The following BICC1 variants were observed in gnomAD, a reference collection of about 807,000 sequenced individuals.
BICC1 encodes the protein protein bicaudal C homolog 1.
A neutral mutation model predicts 111.0 loss-of-function variants in BICC1; 43 were observed. The observed-to-expected ratio is 0.39, with a 90% CI of 0.30 to 0.50. The LOEUF (loss-of-function observed/expected upper bound fraction) is 0.50, where lower values mean the gene tolerates loss of function less well. BICC1 is among the 20% of genes least tolerant of loss of function. BICC1 has a pLI of 0.88. For missense variants in BICC1, 1,091 were observed against 1,203.2 expected (o/e 0.91, Z 1.38); for synonymous variants, 467 against 434.4 (o/e 1.07, Z -0.93).
intron 2 of BICC1, among the ~76,000 whole-genome samples, chr10:58,697,589 C>T (rs560499618): frequency 9.2e-5 from 14 of 152,286 alleles, no homozygotes; most frequent in African/African-American, 3.4e-4. Context: ...CCTAGCCTTA[C>T]CTTTTCCAGT....
chr10:58,517,279 A>G (rs1315079508), intron 1 of BICC1, among the ~76,000 whole-genome samples: 1 of 152,104 alleles, frequency 6.6e-6, no homozygotes, highest in Non-Finnish European at 1.5e-5. Flanking sequence ...TTTAAGAACC[A>G]TGTTGCATTT....
At chr10:58,653,799 T>G (rs1838531002) in intron 2 of BICC1, among the ~76,000 whole-genome samples, 1 of 147,994 alleles carries the variant, frequency 6.8e-6, no homozygotes, top group Non-Finnish European at 1.5e-5. Context: ...TCATCTAGCA[T>G]TAGGTATATC....
chr10:58,546,985 C>A (rs1400322672), intron 1 of BICC1, among the ~76,000 whole-genome samples: 1 of 152,092 alleles, frequency 6.6e-6, no homozygotes, highest in Non-Finnish European at 1.5e-5. Context: ...AAGATTTTGT[C>A]ATTCATTCCA....
intron 2 of BICC1, among the ~76,000 whole-genome samples, chr10:58,675,230 A>C (rs1319506498): frequency 6.6e-6 from 1 of 152,202 alleles, no homozygotes; most frequent in African/African-American, 2.4e-5. Flanking sequence ...TGGAAATCAA[A>C]AGGAAGACCT....
At chr10:58,529,161 A>G (rs747499917) in intron 1 of BICC1, among the ~76,000 whole-genome samples, 12 of 152,028 alleles carry the variant, frequency 7.9e-5, no homozygotes, top group Non-Finnish European at 8.8e-5. Flanking sequence ...TAGGTGAACA[A>G]CAGATTTTAT....
At chr10:58,619,765 A>G (rs7922363) in intron 1 of BICC1, among the ~76,000 whole-genome samples, 151,583 of 152,322 alleles carry the variant, frequency 1, 75,424 homozygotes, top group Middle Eastern at 1. Flanking sequence ...CAATGTCAAA[A>G]TTATGGTAGA....
At chr10:58,665,412 C>T (rs1006001987) in intron 2 of BICC1, among the ~76,000 whole-genome samples, 10 of 152,206 alleles carry the variant, frequency 6.6e-5, no homozygotes, top group South Asian at 4.1e-4. Flanking sequence ...CTTTTCCTCT[C>T]ATATCTTTGG....
chr10:58,711,687 C>T (rs2132486245), intron 3 of BICC1, among the ~76,000 whole-genome samples: 1 of 152,202 alleles, frequency 6.6e-6, no homozygotes, highest in Non-Finnish European at 1.5e-5. Context: ...TGCAAACTAG[C>T]TGTTCTTTCC....
intron 1 of BICC1, among the ~76,000 whole-genome samples, chr10:58,539,878 G>A (rs576956625): frequency 2.6e-5 from 4 of 151,808 alleles, no homozygotes; most frequent in Non-Finnish European, 5.9e-5. Flanking sequence ...ATATCACATG[G>A]TAGGCCACAA....
chr10:58,688,959 C>T (rs1400395948), intron 2 of BICC1, among the ~76,000 whole-genome samples: 1 of 152,064 alleles, frequency 6.6e-6, no homozygotes, highest in Non-Finnish European at 1.5e-5. Flanking sequence ...AGCAAACTAC[C>T]ATGGCACATG....
At chr10:58,607,317 A>AAAATAAATACATAAATAAATAAATAAAT (rs1845254958) in intron 1 of BICC1, among the ~76,000 whole-genome samples, 2 of 134,674 alleles carry the variant, frequency 1.5e-5, no homozygotes, top group Non-Finnish European at 3.2e-5. Context: ...ACTCTGTCTC[A>AAAATAAATACATAAATAAATAAATAAAT]AAATAAATAA....
Position 58,715,603 on chromosome 10 carries a change from C to T in BICC1, c.307+13460C>T, listed in dbSNP as rs547216558. 192 of 1,604,684 alleles carry T rather than the reference C, an allele frequency of 1.2e-4. No homozygotes were observed. The Admixed American group carries it at 1.3e-3, about 11-fold the overall frequency. On this transcript the variant is annotated intron_variant, in intron 3 of 20. Transcript: ENST00000373886. ...GCCTATATGCACCCAATAGCAATGG[C>T]GAGATCAAGGGGTCCAATCCAGTCT...
At chr10:58,789,557 G>A (rs576961494) in intron 7 of BICC1, 101 bp downstream of exon 7, 61 of 1,508,750 alleles carry the variant, frequency 4.0e-5, no homozygotes, top group Admixed American at 5.9e-5. Context: ...ATTTTCCTTC[G>A]TTCTACATTT....
At chr10:58,816,005 T>C (rs1844075288) in intron 18 of BICC1, among the ~76,000 whole-genome samples, 1 of 152,294 alleles carries the variant, frequency 6.6e-6, no homozygotes, top group African/African-American at 2.4e-5. Context: ...AGCACAGTTT[T>C]AGATAATTTC....
Position 58,728,125 on chromosome 10 carries a change from A to G in BICC1, c.307+25982A>G, listed in dbSNP as rs12264706. 3.2e-3 allele frequency among the ~76,000 whole-genome samples: 492 copies of G among 152,310 alleles called. 3 individuals carry two copies. The highest frequency in any genetic ancestry group is 0.011 in the African/African-American group (470 of 41,576). On this transcript the variant is annotated intron_variant, in intron 3 of 20. Transcript: ENST00000373886. ...CTGTGGCAATTTCTTACGAAAGTCA[A>G]CAATGAAGTTTGCCCCATCAATGGA... is the stretch of plus-strand genomic sequence containing the variant.
chr10:58,821,030 G>A (rs1372349220), intron 20 of BICC1, among the ~76,000 whole-genome samples: 1 of 151,994 alleles, frequency 6.6e-6, no homozygotes, highest in South Asian at 2.1e-4. Flanking sequence ...TGTCTCCCTA[G>A]GCCACTTTCT....
intron 2 of BICC1, among the ~76,000 whole-genome samples, chr10:58,658,771 C>G (rs1044114397): frequency 8.6e-5 from 13 of 152,044 alleles, no homozygotes; most frequent in African/African-American, 2.9e-4. Flanking sequence ...TTGACATGCT[C>G]CCATCATTCC....
chr10:58,827,468 G>A (rs1844432531), intron 20 of BICC1, among the ~76,000 whole-genome samples: 2 of 152,158 alleles, frequency 1.3e-5, no homozygotes, highest in South Asian at 4.1e-4. Context: ...AAAGGTAAAG[G>A]GTGAGTGAGG....
At chr10:58,598,447 C>G (rs1588910387) in intron 1 of BICC1, among the ~76,000 whole-genome samples, 2 of 152,138 alleles carry the variant, frequency 1.3e-5, no homozygotes, top group African/African-American at 4.8e-5. Flanking sequence ...GGAAAACTGG[C>G]TAGCCATATG....
Sources: gnomAD v4.1 joint callset for allele counts (sites outside exome capture counted in the v4.1 genomes callset) on GRCh38, gnomAD v4.1.1 for gene constraint, MANE v1.5 for transcripts, NCBI Gene and HGNC (gene_info 2026-07-23, HGNC 2026-07-21) for gene names.